Variants in TMCC2 observed in about 807,000 individuals in gnomAD.
TMCC2 encodes transmembrane and coiled-coil domain family 2.
Under a neutral mutation model 49.4 loss-of-function variants are expected in TMCC2, and 16 were observed. The ratio of observed to expected loss-of-function variants is 0.32; its 90% CI spans 0.22 to 0.49. The LOEUF (loss-of-function observed/expected upper bound fraction) is 0.49, where lower values mean the gene tolerates loss of function less well. TMCC2 is among the 20% of genes least tolerant of loss of function. The probability of loss-of-function intolerance (pLI) is 0.99; values close to 1 mark genes in which losing one functional copy is unlikely to be tolerated. For synonymous variants in TMCC2, 397 were observed against 434.1 expected, an observed-to-expected ratio of 0.91 and a Z score of 1.06; for missense variants, 762 against 989.8, an observed-to-expected ratio of 0.77 and a Z score of 3.09.
intron 1 of TMCC2, among the ~76,000 whole-genome samples, chr1:205,234,532 G>A (rs1176643524): frequency 6.6e-6 from 1 of 152,174 alleles, no homozygotes; most frequent in African/African-American, 2.4e-5. Flanking sequence ...AGGTCAAATA[G>A]GATGAAATAC....
In TMCC2 at chr1:205,228,761, C is replaced by G; in HGVS notation, c.197C>G (p.Pro66Arg). Residue 66 changes from proline (P) to arginine (R), a missense_variant, in exon 1 of 5, where the codon CCT becomes CGT. By Grantham distance (103) the Pro-to-Arg change is moderately radical. Transcript: ENST00000358024. ...AACCCAGGTCCCCGAAGCAAGCCTC[C>G]TGATTTAAAGGTGAGCGCAGACCAT... Reference protein sequence around the residue: ...APNPGPRSKPPDLKKIQQLSE... With the variant: ...APNPGPRSKPRDLKKIQQLSE... 6 of 1,605,264 alleles carry G rather than the reference C, an allele frequency of 3.7e-6. No homozygotes were observed. The highest frequency in any genetic ancestry group is 5.1e-6 in the Non-Finnish European group (6 of 1,176,916).
At position 205,241,866 on chromosome 1, in the gene TMCC2, C is replaced by T. The variant is rs746084294; in HGVS notation, c.569C>T (p.Pro190Leu). The T allele has an allele frequency of 1.2e-6, 2 of 1,602,496 alleles. No homozygotes were observed. Among genetic ancestry groups the T allele is most frequent in the Admixed American group, 1.7e-5 (1 of 58,792 alleles). ...CGCACCAAGAGTAGCTCCCTGGAGC[C>T]CCAGCGTGGCAGCCCTCACCTGCTG... ...SRRTKSSSLEPQRGSPHLLRK... is the reference protein window; with the variant it reads ...SRRTKSSSLELQRGSPHLLRK... Residue 190 changes from proline (P) to leucine (L), a missense_variant, in exon 2 of 5, where the codon CCC (proline) becomes CTC (leucine). By Grantham distance (98) the Pro-to-Leu change is moderately conservative (BLOSUM62 -3). This residue lies in a region of TMCC2 where 322 missense variants were observed against 353.1 expected (regional missense o/e 0.91). Transcript: ENST00000358024. This position sits in a 1 kb window ranked among gnomAD's most constrained non-coding sequence, Gnocchi z 7.3.
At position 205,251,471 on chromosome 1, in the gene TMCC2, C is replaced by T. The variant is rs766672618; in HGVS notation, c.747+9427C>T. On this transcript the variant is annotated intron_variant, in intron 2 of 4. Coordinates refer to ENST00000358024, the MANE Select transcript of TMCC2 (RefSeq NM_014858.4). Reference sequence around the variant, plus strand: ...TCTCCAGATACCCCACCACTGGGACCCTAGAGCTGAGCTAGTGTCCATAGC... The same window carrying T: ...TCTCCAGATACCCCACCACTGGGACTCTAGAGCTGAGCTAGTGTCCATAGC... Among the ~76,000 whole-genome samples the T allele has an allele frequency of 2.6e-3, 390 of 152,298 alleles. 7 individuals are homozygous for T. Among genetic ancestry groups the T allele is most frequent in the Non-Finnish European group, 7.8e-4 (53 of 68,020 alleles).
In TMCC2 at chr1:205,264,338, T is replaced by G. The variant is rs540737641; in HGVS notation, c.748-4612T>G. On this transcript the variant is annotated intron_variant, in intron 2 of 4. Transcript: ENST00000358024. This position sits in a 1 kb window ranked among gnomAD's most constrained non-coding sequence, Gnocchi z 4.2. ...TTGTTTTTTGTTTTTTGTTTTTGTT[T>G]TTGAGACGGAGTCTCTGTCACCCAG... Among the ~76,000 whole-genome samples the G allele has an allele frequency of 5.3e-5, 8 of 152,320 alleles. No homozygotes were observed. The highest frequency in any genetic ancestry group is 1.9e-4 in the African/African-American group (8 of 41,564).
chr1:205,246,572 A>G (rs1660461064), intron 2 of TMCC2: 2 of 1,548,680 alleles, frequency 1.3e-6, no homozygotes, highest in East Asian at 4.9e-5. Context: ...CGTTGGCTAA[A>G]AGGGTGGCGT....
intron 1 of TMCC2, among the ~76,000 whole-genome samples, chr1:205,240,617 A>G (rs896322): frequency 0.92 from 139,461 of 152,300 alleles, 63,959 homozygotes; most frequent in East Asian, 1. Context: ...CCCAGGATAG[A>G]TGTTCACAAC....
rs1410006996 is a variant in TMCC2, at chr1:205,269,015, C to T, written c.813C>T (p.Ile271=). 5 of 1,613,452 alleles carry T rather than the reference C, an allele frequency of 3.1e-6. No individual in the cohort carries two copies. Among genetic ancestry groups the T allele is most frequent in the Non-Finnish European group, 4.2e-6 (5 of 1,180,006 alleles). ...GCCATGGTGACACCGACGGCCCCAT[C>T]AGCCTGGACGTGCCCGATGGGGCAC... ...PAGHGDTDGP[I]SLDVPDGAPD... The change falls in exon 3 of 5, where the codon ATC becomes ATT. Residue 271 remains isoleucine, a synonymous_variant. Transcript: ENST00000358024.
chr1:205,256,293 C>A, intron 2 of TMCC2: 1 of 1,547,970 alleles, frequency 6.5e-7, no homozygotes, highest in Non-Finnish European at 8.7e-7. Context: ...ACTCAGCTGG[C>A]CAGCCGGTGA....
chr1:205,241,495 C>T lies in TMCC2; in HGVS notation c.208-10C>T. 6.2e-7 allele frequency: 1 copy of T among 1,612,664 alleles called. No individual in the cohort carries two copies. The highest frequency in any genetic ancestry group is 8.5e-7 in the Non-Finnish European group (1 of 1,179,506). On this transcript the variant is annotated splice_polypyrimidine_tract_variant and intron_variant, in intron 1 of 4. Coordinates refer to ENST00000358024, the MANE Select transcript of TMCC2 (RefSeq NM_014858.4). The surrounding 1 kb of genome is among the most constrained non-coding windows in gnomAD (Gnocchi z 7.3). ...CCACTCACCAGGGTTCTTCATCTCTCCCCCTTAAGAAAATCCAGCAGCTGT... is the reference window on the plus strand; with the variant it reads ...CCACTCACCAGGGTTCTTCATCTCTTCCCCTTAAGAAAATCCAGCAGCTGT...
At chr1:205,255,590 A>G (rs925068320) in intron 2 of TMCC2, among the ~76,000 whole-genome samples, 2 of 152,154 alleles carry the variant, frequency 1.3e-5, no homozygotes, top group African/African-American at 4.8e-5. Flanking sequence ...TGAGTATGAG[A>G]AGACCAAGCT....
rs1290355721 is a variant in TMCC2, at chr1:205,228,180, G to C, written c.-385G>C. On this transcript the variant is annotated 5_prime_UTR_variant, in exon 1 of 5. Transcript: ENST00000358024. ...CCCCGCCTCGCCCCGCAGCCCGGCCGGCCGGGAGGGATGCGCTGTGCCGCC... is the reference window on the plus strand; with the variant it reads ...CCCCGCCTCGCCCCGCAGCCCGGCCCGCCGGGAGGGATGCGCTGTGCCGCC... The C allele has an allele frequency of 6.6e-6, 1 of 152,550 alleles. No homozygotes were observed. The highest frequency in any genetic ancestry group is 1.5e-5 in the Non-Finnish European group (1 of 68,672). 9.4% of individuals were successfully genotyped at this position (152,550 alleles called of 1,614,324 possible).
At chr1:205,260,467 A>C (rs1558654106) in intron 2 of TMCC2, among the ~76,000 whole-genome samples, 1 of 152,122 alleles carries the variant, frequency 6.6e-6, no homozygotes, top group Non-Finnish European at 1.5e-5. Flanking sequence ...AAGAGCTGCT[A>C]CCCTACTAAA....
intron 2 of TMCC2, chr1:205,246,401 C>T: frequency 1.0e-6 from 1 of 999,458 alleles, no homozygotes; most frequent in Non-Finnish European, 1.3e-6. Context: ...AATAAGCAGT[C>T]AGCTGTACGA....
chr1:205,240,972 G>A (rs530282457), intron 1 of TMCC2, among the ~76,000 whole-genome samples: 2 of 152,328 alleles, frequency 1.3e-5, no homozygotes, highest in African/African-American at 4.8e-5. Context: ...TAGATATTGG[G>A]TAGGCAATTA....
intron 2 of TMCC2, among the ~76,000 whole-genome samples, chr1:205,259,181 C>CT (rs769267135): frequency 1.9e-4 from 27 of 143,798 alleles, no homozygotes; most frequent in Non-Finnish European, 2.7e-4. Context: ...ACCCCCAAAG[C>CT]TTTTTCTTTG....
At chr1:205,252,500 A>G (rs1462502822) in intron 2 of TMCC2, among the ~76,000 whole-genome samples, 5 of 152,182 alleles carry the variant, frequency 3.3e-5, no homozygotes, top group African/African-American at 4.8e-5. Flanking sequence ...CTTTGGTCAC[A>G]TGGGTTTCTA....
chr1:205,271,901 A>G lies in TMCC2; in HGVS notation c.1907A>G (p.Asn636Ser). The G allele has an allele frequency of 6.2e-7, 1 of 1,614,166 alleles. No individual in the cohort carries two copies. Among genetic ancestry groups the G allele is most frequent in the Non-Finnish European group, 8.5e-7 (1 of 1,180,034 alleles). ...GTGGTACAGCTGGAGGGCGTGGAGA[A>G]TGCCAACGCGCGGGCGCTGCTGGGC... Reference protein sequence around the residue: ...QQVVQLEGVENANARALLGKF... With the variant: ...QQVVQLEGVESANARALLGKF... Residue 636 changes from asparagine (N) to serine (S), a missense_variant, in exon 5 of 5, where the codon AAT becomes AGT. Around this residue, in one of 2 missense-constraint regions of TMCC2, gnomAD observed 440 missense variants for 636.7 expected, o/e 0.69. Transcript: ENST00000358024.
In TMCC2 at chr1:205,241,499, C is replaced by T. The variant is rs764286771; in HGVS notation, c.208-6C>T. 2 of 1,613,136 alleles carry T rather than the reference C, an allele frequency of 1.2e-6. No homozygotes were observed. Among genetic ancestry groups the T allele is most frequent in the Non-Finnish European group, 1.7e-6 (2 of 1,179,740 alleles). On this transcript the variant is annotated splice_region_variant and splice_polypyrimidine_tract_variant and intron_variant, in intron 1 of 4. Transcript: ENST00000358024. This position sits in a 1 kb window ranked among gnomAD's most constrained non-coding sequence, Gnocchi z 7.3. ...TCACCAGGGTTCTTCATCTCTCCCC[C>T]TTAAGAAAATCCAGCAGCTGTCAGA...
intron 3 of TMCC2, 77 bp downstream of exon 3, chr1:205,269,961 G>T: frequency 7.0e-7 from 1 of 1,433,976 alleles, no homozygotes; most frequent in Non-Finnish European, 9.5e-7. Flanking sequence ...TCAGACCCAG[G>T]GTGTGGAGGC....
Sources: gnomAD v4.1 joint callset for allele counts (sites outside exome capture counted in the v4.1 genomes callset) on GRCh38, gnomAD v4.1.1 for gene constraint, gnomAD v4.1.1 regional missense constraint, Gnocchi (gnomAD v3.1) non-coding constraint, MANE v1.5 for transcripts, NCBI Gene and HGNC (gene_info 2026-07-23, HGNC 2026-07-21) for gene names.